The following STAP2 variants were observed in gnomAD, a reference collection of about 807,000 sequenced individuals.
STAP2 encodes the protein signal transducing adaptor family member 2.
STAP2 carries 58 observed loss-of-function variants against 52.7 expected under a neutral mutation model. That is an observed-to-expected ratio of 1.10 (90% CI 0.89 to 1.37). STAP2 has a LOEUF of 1.37. Among genes scored for constraint, STAP2 ranks in the 40% most tolerant of loss-of-function variants. The probability of loss-of-function intolerance (pLI) is 0.00; values close to 1 mark genes in which losing one functional copy is unlikely to be tolerated. For missense variants in STAP2, 522 were observed against 519.4 expected, an observed-to-expected ratio of 1.00 and a Z score of -0.05; for synonymous variants, 231 against 210.5, an observed-to-expected ratio of 1.10 and a Z score of -0.84.
At chr19:4,330,246 C>T (rs988282178) in intron 4 of STAP2, among the ~76,000 whole-genome samples, 185 bp from the exon 5 acceptor site, 2 of 152,048 alleles carry the variant, frequency 1.3e-5, no homozygotes, top group Non-Finnish European at 2.9e-5. Context: ...TGGGGCCGGG[C>T]GCGGTGGCTC....
intron 8 of STAP2, 24 bp downstream of exon 8, chr19:4,327,100 C>A: frequency 6.2e-7 from 1 of 1,613,526 alleles, no homozygotes; most frequent in Non-Finnish European, 8.5e-7. Context: ...ACTGGGCCCC[C>A]GAACTCCCCG....
At chr19:4,334,645 C>T (rs575416144) in intron 1 of STAP2, among the ~76,000 whole-genome samples, 1 of 151,814 alleles carries the variant, frequency 6.6e-6, no homozygotes, top group African/African-American at 2.4e-5. Context: ...ATCCATCCAC[C>T]CACTCATCCA....
At chr19:4,327,739 A>AG (rs1421975685) in intron 6 of STAP2, among the ~76,000 whole-genome samples, 1 of 151,404 alleles carries the variant, frequency 6.6e-6, no homozygotes, top group African/African-American at 2.4e-5. Flanking sequence ...CACCGCGCCT[A>AG]GGGAGAACCA....
chr19:4,324,107 G>T lies in STAP2; in HGVS notation c.*26C>A, dbSNP rs777740707. 1.3e-4 allele frequency: 204 copies of T among 1,550,344 alleles called. No homozygotes were observed. Among genetic ancestry groups the T allele is most frequent in the Non-Finnish European group, 1.7e-4 (192 of 1,146,226 alleles). On this transcript the variant is annotated 3_prime_UTR_variant, in exon 13 of 13. Coordinates refer to ENST00000594605, the MANE Select transcript of STAP2 (RefSeq NM_001013841.2). The stretch of plus-strand genomic sequence containing the variant: ...GCCGCTGGGCCATGCCCTGGGACTA[G>T]CCCGCTGGTCCCTGGTGTGTCCGAA...
At chr19:4,324,800 G>A (rs1440192552) in intron 11 of STAP2, 3 of 455,106 alleles carry the variant, frequency 6.6e-6, no homozygotes, top group Non-Finnish European at 1.2e-5. Flanking sequence ...CCACTGCCTG[G>A]GCAACAGAGT....
intron 1 of STAP2, among the ~76,000 whole-genome samples, chr19:4,335,508 G>T (rs745811787): frequency 1.3e-5 from 2 of 151,106 alleles, no homozygotes; most frequent in African/African-American, 4.9e-5. Context: ...CATCAAGCCC[G>T]CATGTATTCA....
At chr19:4,332,474 C>T (rs1971909834) in intron 3 of STAP2, among the ~76,000 whole-genome samples, 1 of 151,756 alleles carries the variant, frequency 6.6e-6, no homozygotes, top group African/African-American at 2.4e-5. Context: ...CCAAAGTGCT[C>T]AGATTACAGG....
Position 4,324,110 on chromosome 19 carries a change from C to T in STAP2, c.*23G>A, listed in dbSNP as rs976685403. 7.7e-6 allele frequency: 12 copies of T among 1,549,438 alleles called. No homozygotes were observed. The highest frequency in any genetic ancestry group is 2.0e-5 in the Admixed American group (1 of 50,970). On this transcript the variant is annotated 3_prime_UTR_variant, in exon 13 of 13. Transcript: ENST00000594605. ...GCTGGGCCATGCCCTGGGACTAGCCCGCTGGTCCCTGGTGTGTCCGAATCA... is the reference window on the plus strand; with the variant it reads ...GCTGGGCCATGCCCTGGGACTAGCCTGCTGGTCCCTGGTGTGTCCGAATCA...
chr19:4,331,558 A>G (rs1971890546), intron 4 of STAP2, among the ~76,000 whole-genome samples: 1 of 151,532 alleles, frequency 6.6e-6, no homozygotes, highest in Non-Finnish European at 1.5e-5. Context: ...TGAACCGGGG[A>G]GGCAGAGGTT....
rs778196235 is a variant in STAP2 at position 4,333,961 on chromosome 19, T to G, written c.174+12A>C. 6.2e-7 allele frequency: 1 copy of G among 1,613,052 alleles called. No homozygotes were observed. The highest frequency in any genetic ancestry group is 8.5e-7 in the Non-Finnish European group (1 of 1,179,538). On this transcript the variant is annotated intron_variant, in intron 2 of 12. Coordinates refer to ENST00000594605, the MANE Select transcript of STAP2 (RefSeq NM_001013841.2). ...GGAAGGCCTGCTCTGGAGCCTCCAT[T>G]CCCATCCTTACCTGGAAGTCCCGAT...
intron 6 of STAP2, 45 bp downstream of exon 6, chr19:4,328,630 T>C: frequency 1.3e-6 from 2 of 1,541,502 alleles, no homozygotes; most frequent in Non-Finnish European, 1.8e-6. Flanking sequence ...CCCACCCTCT[T>C]CCCACCCTCC....
intron 9 of STAP2, 117 bp from the exon 10 acceptor site, chr19:4,325,662 G>T: frequency 1.6e-6 from 2 of 1,250,726 alleles, no homozygotes; most frequent in Non-Finnish European, 2.2e-6. Flanking sequence ...GTGTCTGTGT[G>T]TGTGCCCATG....
intron 1 of STAP2, among the ~76,000 whole-genome samples, chr19:4,335,609 C>T (rs1241555631): frequency 6.6e-6 from 1 of 152,234 alleles, no homozygotes; most frequent in Non-Finnish European, 1.5e-5. Flanking sequence ...CTAACATTTA[C>T]TGAAGGCTTT....
intron 1 of STAP2, 88 bp downstream of exon 1, chr19:4,338,564 C>CCAGGGGGG: frequency 1.2e-6 from 1 of 857,372 alleles, no homozygotes. Context: ...CCCGCCCCCC[C>CCAGGGGGG]TTGGCGAGTG....
Position 4,328,795 on chromosome 19 carries a change from A to T in STAP2, c.470T>A (p.Val157Glu). 6.2e-7 allele frequency: 1 copy of T among 1,611,114 alleles called. No individual in the cohort carries two copies. ...GAGCAGTTGTGCCTCCAGCCGGCTCACCTTCAGGAAGCACCTGTGGCGGGC... is the reference window on the plus strand; with the variant it reads ...GAGCAGTTGTGCCTCCAGCCGGCTCTCCTTCAGGAAGCACCTGTGGCGGGC... ...ALETPSCFLK[V>E]SRLEAQLLLE... Residue 157 changes from valine to glutamate, a missense_variant, in exon 6 of 13, where the codon GTG (valine) becomes GAG (glutamate). Transcript: ENST00000594605.
rs1234676750 is a variant in STAP2 at position 4,330,074 on chromosome 19, C to T, written c.355-13G>A. ...TCGGGACACGGAGCTGAGGGGCGAT[C>T]GAGGGACAGTGACTGCACCTGGCCA... On this transcript the variant is annotated splice_polypyrimidine_tract_variant and intron_variant, in intron 4 of 12. Coordinates refer to ENST00000594605, the MANE Select transcript of STAP2 (RefSeq NM_001013841.2). 4.3e-6 allele frequency: 7 copies of T among 1,610,008 alleles called. No homozygotes were observed. Among genetic ancestry groups the T allele is most frequent in the South Asian group, 1.1e-5 (1 of 91,014 alleles).
chr19:4,332,329 TCCTGA>T (rs1971907268), intron 3 of STAP2, among the ~76,000 whole-genome samples: 1 of 146,426 alleles, frequency 6.8e-6, no homozygotes, highest in Non-Finnish European at 1.5e-5. Context: ...TGCCTCAGCC[TCCTGA>T]GTAGCTGGGA....
chr19:4,324,343 C>T, intron 12 of STAP2, 112 bp downstream of exon 12: 1 of 1,297,166 alleles, frequency 7.7e-7, no homozygotes, highest in South Asian at 1.4e-5. Flanking sequence ...AATTTCAAGA[C>T]AGAGACAGCA....
At position 4,333,711 on chromosome 19, in the gene STAP2, G is replaced by A; in HGVS notation, c.280C>T (p.Gln94Ter). The A allele has an allele frequency of 6.2e-7, 1 of 1,612,432 alleles. No individual in the cohort carries two copies. Among genetic ancestry groups the A allele is most frequent in the Non-Finnish European group, 8.5e-7 (1 of 1,179,910 alleles). Residue 94 changes from glutamine to a stop codon, truncating the protein, a stop_gained, in exon 3 of 13, where the codon CAG (glutamine) becomes TAG (stop). Coordinates refer to ENST00000594605, the MANE Select transcript of STAP2 (RefSeq NM_001013841.2). LOFTEE classifies it high-confidence loss of function. ...GGACCTACCTTGAACTTGATCTCCT[G>A]ATCCCGGAGAATCAGGCTGAAGTGG... Reference protein sequence around the residue: ...GTHFSLILRDQEIKFKVETLE... With the variant: ...GTHFSLILRD
Sources: allele counts gnomAD v4.1 joint callset (sites outside exome capture counted in the v4.1 genomes callset), GRCh38; gene constraint gnomAD v4.1.1; transcripts MANE v1.5; gene names NCBI Gene and HGNC (gene_info 2026-07-23, HGNC 2026-07-21).